Variants in LARGE1 observed in about 807,000 individuals in gnomAD.
The protein encoded by LARGE1 is xylosyl- and glucuronyltransferase LARGE1.
In LARGE1, 43 loss-of-function variants were observed where a neutral mutation model predicts 87.6. The ratio of observed to expected loss-of-function variants is 0.49; its 90% CI spans 0.38 to 0.63. LARGE1 has a LOEUF of 0.63. Among genes scored for constraint, LARGE1 ranks in the 30% least tolerant of loss-of-function variants. LARGE1 has a pLI of 0.00. For synonymous variants in LARGE1, 434 were observed against 394.6 expected, an observed-to-expected ratio of 1.10 and a Z score of -1.18; for missense variants, 802 against 1,000.2, an observed-to-expected ratio of 0.80 and a Z score of 2.67.
intron 12 of LARGE1, among the ~76,000 whole-genome samples, chr22:33,294,330 T>A (rs942124304): frequency 2.6e-5 from 4 of 152,182 alleles, no homozygotes; most frequent in African/African-American, 9.7e-5. Context: ...GAGCCCTGGG[T>A]TTCCACAGCC....
intron 2 of LARGE1, among the ~76,000 whole-genome samples, chr22:33,745,237 C>G (rs1043501245): frequency 6.6e-6 from 1 of 152,106 alleles, no homozygotes; most frequent in East Asian, 1.9e-4. Flanking sequence ...GGAAAACAGC[C>G]TCCTTTCTAT....
chr22:33,885,684 A>T (rs2064823745), intron 1 of LARGE1, among the ~76,000 whole-genome samples: 1 of 152,024 alleles, frequency 6.6e-6, no homozygotes, highest in Non-Finnish European at 1.5e-5. Context: ...GAACCACCCA[A>T]CCTACAACTT....
At chr22:33,091,969 G>A in the LARGE1 span, among the ~76,000 whole-genome samples, 1 of 152,080 alleles carries the variant, frequency 6.6e-6, no homozygotes. Flanking sequence ...GCGCAGTCTT[G>A]GCTCATTGCA....
At chr22:33,596,971 C>A (rs1177193862) in intron 5 of LARGE1, among the ~76,000 whole-genome samples, 3 of 152,240 alleles carry the variant, frequency 2.0e-5, no homozygotes, top group Non-Finnish European at 4.4e-5. Flanking sequence ...AGGCCACACA[C>A]ACCTTACTTC....
At chr22:33,709,979 GAAAA>G (rs5845106) in intron 2 of LARGE1, among the ~76,000 whole-genome samples, 1 of 88,792 alleles carries the variant, frequency 1.1e-5, no homozygotes, top group Admixed American at 1.2e-4. Flanking sequence ...TTGCTAGGCA[GAAAA>G]AAAAAAAAAA....
At chr22:33,741,411 C>T (rs1190538088) in intron 2 of LARGE1, among the ~76,000 whole-genome samples, 1 of 152,220 alleles carries the variant, frequency 6.6e-6, no homozygotes, top group Non-Finnish European at 1.5e-5. Flanking sequence ...ACCTTCAAGG[C>T]ACAGGTTGAT....
downstream of LARGE1, among the ~76,000 whole-genome samples, chr22:33,269,965 A>G (rs967661460): frequency 9.3e-5 from 14 of 151,256 alleles, no homozygotes; most frequent in East Asian, 2.5e-3. Flanking sequence ...AGATCGCGCC[A>G]CTACACTCCA....
intron 6 of LARGE1, among the ~76,000 whole-genome samples, chr22:33,541,054 C>CGGGGGGGGGGGGGGGG (rs57583473): frequency 7.3e-5 from 1 of 13,720 alleles, no homozygotes; most frequent in Non-Finnish European, 1.7e-4. Flanking sequence ...TGGTGGGTTG[C>CGGGGGGGGGGGGGGGG]GGGGGGGGGG....
Position 33,689,564 on chromosome 22 carries a change from T to C in LARGE1, c.107-38896A>G, listed in dbSNP as rs371560646. 4.6e-5 allele frequency among the ~76,000 whole-genome samples: 7 copies of C among 151,772 alleles called. No homozygotes were observed. In the East Asian group the frequency reaches 1.4e-3, roughly 29 times the overall value. On this transcript the variant is annotated intron_variant, in intron 2 of 14. Transcript: ENST00000397394. ...GGAATATATTGAGGAGTCCAAAAAG[T>C]AGAAATGACAGAAAGAAGAAGAGAT...
chr22:33,248,945 A>G (rs1357102855), intron 11 of LARGE1, among the ~76,000 whole-genome samples: 1 of 152,228 alleles, frequency 6.6e-6, no homozygotes, highest in African/African-American at 2.4e-5. Flanking sequence ...CAGTTTATGT[A>G]TCCATTTACC....
chr22:33,491,113 G>T (rs1302245690), intron 6 of LARGE1, among the ~76,000 whole-genome samples: 1 of 152,120 alleles, frequency 6.6e-6, no homozygotes, highest in African/African-American at 2.4e-5. Flanking sequence ...ACACAAAGCT[G>T]CTTTCAGGGC....
At chr22:33,453,186 G>A (rs990855262) in intron 6 of LARGE1, among the ~76,000 whole-genome samples, 1 of 152,220 alleles carries the variant, frequency 6.6e-6, no homozygotes, top group Non-Finnish European at 1.5e-5. Context: ...GGAGGCCGAG[G>A]CGGGTGGATT....
At chr22:33,183,606 A>ACACACACACACG (rs1555880651) in intron 11 of LARGE1, among the ~76,000 whole-genome samples, 1 of 87,834 alleles carries the variant, frequency 1.1e-5, no homozygotes, top group African/African-American at 4.1e-5. Context: ...GATAAAACAC[A>ACACACACACACG]CACACACACA....
intron 10 of LARGE1, among the ~76,000 whole-genome samples, chr22:33,320,527 C>T (rs1936608405): frequency 6.6e-6 from 1 of 152,210 alleles, no homozygotes; most frequent in African/African-American, 2.4e-5. Context: ...CCCGGTGAGA[C>T]TGTGACATTT....
At chr22:33,403,610 CT>C (rs923885546) in intron 7 of LARGE1, among the ~76,000 whole-genome samples, 4 of 148,846 alleles carry the variant, frequency 2.7e-5, no homozygotes, top group South Asian at 2.1e-4. Flanking sequence ...CATTTCTTTT[CT>C]TTTTTTTTTG....
intron 9 of LARGE1, among the ~76,000 whole-genome samples, chr22:33,379,143 A>G (rs181781145): frequency 6.1e-4 from 92 of 150,892 alleles, no homozygotes; most frequent in Non-Finnish European, 1.1e-3. Flanking sequence ...CTGCCTTCCC[A>G]GAGGTCCATG....
At chr22:33,470,733 T>C (rs905229750) in intron 6 of LARGE1, among the ~76,000 whole-genome samples, 1 of 152,214 alleles carries the variant, frequency 6.6e-6, no homozygotes, top group Non-Finnish European at 1.5e-5. Context: ...CTTCTCTGAA[T>C]GCAGGTCCCC....
chr22:33,504,622 T>C (rs1459114211), intron 6 of LARGE1, among the ~76,000 whole-genome samples: 1 of 152,170 alleles, frequency 6.6e-6, no homozygotes, highest in African/African-American at 2.4e-5. Context: ...TGGTTTCAAA[T>C]CCCAGTTCTA....
chr22:33,309,769 A>G (rs1472505792), intron 11 of LARGE1, among the ~76,000 whole-genome samples: 1 of 152,200 alleles, frequency 6.6e-6, no homozygotes, highest in Non-Finnish European at 1.5e-5. Flanking sequence ...TGGGCTCAGC[A>G]TGTTCGAGCA....
Sources: allele counts gnomAD v4.1 joint callset (sites outside exome capture counted in the v4.1 genomes callset), GRCh38; gene constraint gnomAD v4.1.1; transcripts MANE v1.5; gene names NCBI Gene and HGNC (gene_info 2026-07-23, HGNC 2026-07-21).